The following PDE4D variants were observed in gnomAD, a reference collection of about 807,000 sequenced individuals.
PDE4D encodes the protein 3',5'-cyclic-AMP phosphodiesterase 4D.
Under a neutral mutation model 87.4 loss-of-function variants are expected in PDE4D, and 24 were observed. The observed-to-expected ratio is 0.27, with a 90% CI of 0.20 to 0.39. The LOEUF (loss-of-function observed/expected upper bound fraction) is 0.39, where lower values mean the gene tolerates loss of function less well. PDE4D is among the 10% of genes least tolerant of loss of function. PDE4D has a pLI of 1.00. For missense variants in PDE4D, 714 were observed against 1,041.0 expected, an observed-to-expected ratio of 0.69 and a Z score of 4.32; for synonymous variants, 384 against 383.2, an observed-to-expected ratio of 1.00 and a Z score of -0.02.
At chr5:59,861,044 T>A (rs1445891294) in intron 1 of PDE4D, among the ~76,000 whole-genome samples, 2 of 146,546 alleles carry the variant, frequency 1.4e-5, no homozygotes, top group African/African-American at 5.0e-5. Context: ...TTTTTTTTTG[T>A]ATTTTTACTA....
At chr5:59,535,702 A>G (rs1174107157) in intron 1 of PDE4D, among the ~76,000 whole-genome samples, 1 of 152,204 alleles carries the variant, frequency 6.6e-6, no homozygotes, top group Non-Finnish European at 1.5e-5. Context: ...TCTATAAAAC[A>G]CTATCTGCCA....
At chr5:59,444,578 C>G (rs894684646) in intron 1 of PDE4D, among the ~76,000 whole-genome samples, 1 of 152,142 alleles carries the variant, frequency 6.6e-6, no homozygotes, top group South Asian at 2.1e-4. Context: ...TTTGGGAGGC[C>G]GAGGCGGGCG....
chr5:59,525,110 A>T (rs1812861502), intron 1 of PDE4D, among the ~76,000 whole-genome samples: 1 of 152,362 alleles, frequency 6.6e-6, no homozygotes, highest in Non-Finnish European at 1.5e-5. Flanking sequence ...ACCATCCTCC[A>T]GACCCCAGAA....
At chr5:60,004,021 A>C (rs1188525583) in intron 2 of PDE4D, among the ~76,000 whole-genome samples, 1 of 152,202 alleles carries the variant, frequency 6.6e-6, no homozygotes, top group East Asian at 1.9e-4. Context: ...CATACAATAC[A>C]AAAATGTGCT....
chr5:59,771,213 T>C (rs1221513838), intron 1 of PDE4D, among the ~76,000 whole-genome samples: 2 of 151,218 alleles, frequency 1.3e-5, no homozygotes, highest in Non-Finnish European at 2.9e-5. Flanking sequence ...TTGGGGAGCT[T>C]ATAGCCTAAT....
intron 2 of PDE4D, among the ~76,000 whole-genome samples, chr5:59,206,435 T>C (rs1748814282): frequency 6.6e-6 from 1 of 152,218 alleles, no homozygotes; most frequent in Non-Finnish European, 1.5e-5. Context: ...GTTCCAGCAG[T>C]GTGACTGTTT....
At chr5:59,767,903 G>T (rs1178081016) in intron 1 of PDE4D, among the ~76,000 whole-genome samples, 2 of 152,126 alleles carry the variant, frequency 1.3e-5, no homozygotes, top group Non-Finnish European at 1.5e-5. Context: ...GGGGAAGCTG[G>T]CAGGGAAATT....
intron 1 of PDE4D, among the ~76,000 whole-genome samples, chr5:59,221,310 C>T (rs538146126): frequency 2.2e-4 from 34 of 152,254 alleles, no homozygotes; most frequent in African/African-American, 7.7e-4. Context: ...TTACAGGTGA[C>T]GCATGCAAAG....
At chr5:59,747,975 CA>C (rs1485174172) in intron 1 of PDE4D, among the ~76,000 whole-genome samples, 5 of 152,206 alleles carry the variant, frequency 3.3e-5, no homozygotes, top group Non-Finnish European at 4.4e-5. Context: ...GCCCATATCT[CA>C]TTTTTCTTCC....
intron 5 of PDE4D, chr5:59,174,590 G>C (rs1042634586): frequency 1.3e-5 from 2 of 152,506 alleles, no homozygotes; most frequent in African/African-American, 4.8e-5. Context: ...TATAACTACA[G>C]AGATATGTCC....
At chr5:59,619,785 A>G (rs1380369875) in intron 1 of PDE4D, among the ~76,000 whole-genome samples, 1 of 152,102 alleles carries the variant, frequency 6.6e-6, no homozygotes, top group Non-Finnish European at 1.5e-5. Context: ...ACTAAGAAAA[A>G]ATTTCCTGGA....
At chr5:59,994,108 T>C (rs1244886151) in intron 2 of PDE4D, among the ~76,000 whole-genome samples, 2 of 152,028 alleles carry the variant, frequency 1.3e-5, no homozygotes, top group Non-Finnish European at 2.9e-5. Context: ...TTTCTTTGTT[T>C]AATTTTTTTT....
At chr5:59,982,370 G>A (rs1036446614) in intron 3 of PDE4D, among the ~76,000 whole-genome samples, 3 of 152,114 alleles carry the variant, frequency 2.0e-5, no homozygotes, top group African/African-American at 7.2e-5. Context: ...TGAAATGTAA[G>A]TAGAGAGTTT....
chr5:59,164,834 T>A (rs1451477524), intron 5 of PDE4D: 1 of 152,154 alleles, frequency 6.6e-6, no homozygotes, highest in East Asian at 1.9e-4. Context: ...AGGGCACAGA[T>A]AATCTGAATA....
intron 1 of PDE4D, among the ~76,000 whole-genome samples, chr5:59,347,367 A>G (rs138097672): frequency 6.6e-6 from 1 of 152,292 alleles, no homozygotes; most frequent in East Asian, 1.9e-4. Context: ...CATTGGAAGC[A>G]TATTTATGGG....
intron 1 of PDE4D, among the ~76,000 whole-genome samples, chr5:59,490,710 A>G (rs998154910): frequency 6.6e-6 from 1 of 152,242 alleles, no homozygotes; most frequent in Non-Finnish European, 1.5e-5. Context: ...AAACTATTAT[A>G]ACCAAATTTA....
intron 1 of PDE4D, among the ~76,000 whole-genome samples, chr5:60,422,123 G>T (rs949237165): frequency 6.6e-6 from 1 of 152,198 alleles, no homozygotes; most frequent in Non-Finnish European, 1.5e-5. Flanking sequence ...ACACTCTGGA[G>T]GATATTATCC....
At chr5:60,144,437 C>A (rs888173456) in intron 2 of PDE4D, among the ~76,000 whole-genome samples, 4 of 152,180 alleles carry the variant, frequency 2.6e-5, no homozygotes, top group Non-Finnish European at 4.4e-5. Flanking sequence ...CTGTAGCAGG[C>A]AGGACTGTGA....
chr5:60,339,596 T>C (rs147417620), intron 1 of PDE4D, among the ~76,000 whole-genome samples: 36 of 152,310 alleles, frequency 2.4e-4, no homozygotes, highest in Non-Finnish European at 4.4e-4. Context: ...CCTCCGGTAA[T>C]ATGGCCTGTC....
Sources: gnomAD v4.1 joint callset for allele counts (sites outside exome capture counted in the v4.1 genomes callset) on GRCh38, gnomAD v4.1.1 for gene constraint, MANE v1.5 for transcripts, NCBI Gene and HGNC (gene_info 2026-07-23, HGNC 2026-07-21) for gene names.